Variants in DNER observed in about 807,000 individuals in gnomAD.
The protein encoded by DNER is delta and Notch-like epidermal growth factor-related receptor.
In DNER, 33 loss-of-function variants were observed where a neutral mutation model predicts 78.2. The observed-to-expected ratio is 0.42, with a 90% CI of 0.32 to 0.56. DNER has a LOEUF of 0.56. Ranked by LOEUF, DNER falls within the 20% of genes least tolerant of loss-of-function variation. The pLI, the probability that DNER is intolerant of heterozygous loss-of-function variation, is 0.11. For missense variants in DNER, 918 were observed against 975.3 expected (o/e 0.94, Z 0.78); for synonymous variants, 417 against 384.8 (o/e 1.08, Z -0.98).
chr2:229,505,136 G>A lies in DNER; in HGVS notation c.1147+7647C>T, dbSNP rs189828074. Among the ~76,000 whole-genome samples the A allele has an allele frequency of 4.7e-5, 7 of 149,604 alleles. No homozygotes were observed. In the East Asian group the frequency reaches 1.4e-3, roughly 30 times the overall value. Reference sequence around the variant, plus strand: ...TATGACACAAGCAAAAATTAACCTTGGCTTGGAAGCCACTGAGGCTTGAGG... The same window carrying A: ...TATGACACAAGCAAAAATTAACCTTAGCTTGGAAGCCACTGAGGCTTGAGG... On this transcript the variant is annotated intron_variant, in intron 6 of 12. Coordinates refer to ENST00000341772, the MANE Select transcript of DNER (RefSeq NM_139072.4).
intron 1 of DNER, among the ~76,000 whole-genome samples, chr2:229,704,602 G>A (rs1200051812): frequency 1.3e-4 from 2 of 15,058 alleles, no homozygotes; most frequent in Non-Finnish European, 6.0e-4. Context: ...CATGTATGAC[G>A]TTCTAGAAAA....
At chr2:229,452,954 A>T (rs564653006) in intron 7 of DNER, among the ~76,000 whole-genome samples, 1 of 152,258 alleles carries the variant, frequency 6.6e-6, no homozygotes, top group Non-Finnish European at 1.5e-5. Context: ...AACTGTTGAT[A>T]AATAATTTCT....
At chr2:229,646,421 C>T (rs1181210940) in intron 1 of DNER, among the ~76,000 whole-genome samples, 1 of 152,196 alleles carries the variant, frequency 6.6e-6, no homozygotes, top group Non-Finnish European at 1.5e-5. Context: ...AACATCAAAA[C>T]TGATAAGTCA....
intron 1 of DNER, among the ~76,000 whole-genome samples, chr2:229,646,573 C>G (rs780092884): frequency 2.0e-5 from 3 of 152,232 alleles, no homozygotes; most frequent in Non-Finnish European, 4.4e-5. Flanking sequence ...ATGAACTAAA[C>G]TTCTGACAGA....
intron 1 of DNER, among the ~76,000 whole-genome samples, chr2:229,672,065 C>T (rs976741394): frequency 6.6e-6 from 1 of 152,178 alleles, no homozygotes; most frequent in African/African-American, 2.4e-5. Flanking sequence ...TGCTGTGTAA[C>T]AAACTGCGTC....
At chr2:229,496,251 C>T (rs1178086561) in intron 6 of DNER, among the ~76,000 whole-genome samples, 1 of 152,164 alleles carries the variant, frequency 6.6e-6, no homozygotes, top group Non-Finnish European at 1.5e-5. Flanking sequence ...ATATCAATTA[C>T]ACTTCATTAA....
At chr2:229,707,072 G>C (rs776197908) in intron 1 of DNER, among the ~76,000 whole-genome samples, 1 of 151,462 alleles carries the variant, frequency 6.6e-6, no homozygotes. Flanking sequence ...GGAGTGCAGT[G>C]ATGCGATCTC....
intron 1 of DNER, among the ~76,000 whole-genome samples, chr2:229,705,515 G>A (rs746278999): frequency 1.4e-4 from 21 of 152,042 alleles, no homozygotes; most frequent in South Asian, 4.2e-4. Flanking sequence ...GAATGGAACC[G>A]CAACCCTCTG....
chr2:229,401,550 G>A (rs184097793), intron 10 of DNER, among the ~76,000 whole-genome samples: 9 of 151,492 alleles, frequency 5.9e-5, no homozygotes, highest in South Asian at 2.1e-4. Context: ...AAAGAATCAC[G>A]CTGAGTAGAA....
intron 7 of DNER, among the ~76,000 whole-genome samples, chr2:229,462,011 A>G (rs1694712945): frequency 6.6e-6 from 1 of 152,162 alleles, no homozygotes; most frequent in Non-Finnish European, 1.5e-5. Flanking sequence ...TGGAAAATAA[A>G]CAAAATAGAA....
chr2:229,684,230 C>A (rs1255487530), intron 1 of DNER, among the ~76,000 whole-genome samples: 4 of 142,566 alleles, frequency 2.8e-5, no homozygotes, highest in Non-Finnish European at 6.0e-5. Flanking sequence ...AGGAAAGGCA[C>A]AGTGTCAGGC....
At chr2:229,695,142 T>C (rs1056769140) in intron 1 of DNER, among the ~76,000 whole-genome samples, 4 of 152,210 alleles carry the variant, frequency 2.6e-5, no homozygotes, top group African/African-American at 9.6e-5. Context: ...CCTTTCACCA[T>C]GATTGTAAAT....
intron 7 of DNER, among the ~76,000 whole-genome samples, chr2:229,453,096 T>C (rs547964590): frequency 1.8e-3 from 273 of 152,356 alleles, no homozygotes; most frequent in African/African-American, 6.3e-3. Context: ...GACTTTGGGC[T>C]AGTACTTAAT....
intron 1 of DNER, among the ~76,000 whole-genome samples, chr2:229,654,960 C>G: frequency 6.6e-6 from 1 of 151,958 alleles, no homozygotes; most frequent in Non-Finnish European, 1.5e-5. Flanking sequence ...AAAGAAATAC[C>G]AGAAGCATCA....
At chr2:229,494,370 A>G (rs1306790304) in intron 6 of DNER, among the ~76,000 whole-genome samples, 1 of 152,250 alleles carries the variant, frequency 6.6e-6, no homozygotes, top group Non-Finnish European at 1.5e-5. Context: ...ATATGCTTCC[A>G]AATACAATGG....
At chr2:229,581,806 A>G (rs910130193) in intron 4 of DNER, among the ~76,000 whole-genome samples, 4 of 152,242 alleles carry the variant, frequency 2.6e-5, no homozygotes, top group Non-Finnish European at 5.9e-5. Context: ...TTTGTCTCCC[A>G]AAGACACAGA....
intron 6 of DNER, among the ~76,000 whole-genome samples, chr2:229,511,581 A>G (rs1032924307): frequency 6.6e-6 from 1 of 152,252 alleles, no homozygotes; most frequent in African/African-American, 2.4e-5. Context: ...AGAACAAGGT[A>G]GCAGGAATTT....
chr2:229,534,837 T>C (rs545206252), intron 5 of DNER, among the ~76,000 whole-genome samples: 1 of 152,150 alleles, frequency 6.6e-6, no homozygotes, highest in Non-Finnish European at 1.5e-5. Context: ...TATTTTTTAA[T>C]TCTTTTTTTT....
At chr2:229,511,339 T>G (rs898027080) in intron 6 of DNER, among the ~76,000 whole-genome samples, 6 of 152,220 alleles carry the variant, frequency 3.9e-5, no homozygotes, top group Non-Finnish European at 7.3e-5. Context: ...TCAAAATAGC[T>G]GTGTCAAAAC....
Sources: allele counts gnomAD v4.1 joint callset (sites outside exome capture counted in the v4.1 genomes callset), GRCh38; gene constraint gnomAD v4.1.1; transcripts MANE v1.5; gene names NCBI Gene and HGNC (gene_info 2026-07-23, HGNC 2026-07-21).